The following CAMTA1 variants were observed in gnomAD, a reference collection of about 807,000 sequenced individuals.
The protein encoded by CAMTA1 is calmodulin binding transcription activator 1.
Under a neutral mutation model 170.9 loss-of-function variants are expected in CAMTA1, and 27 were observed. That is an observed-to-expected ratio of 0.16 (90% CI 0.12 to 0.22). The LOEUF (loss-of-function observed/expected upper bound fraction) is 0.22. Ranked by LOEUF, CAMTA1 falls within the 10% of genes least tolerant of loss-of-function variation. The pLI is 1.00. For synonymous variants in CAMTA1, 833 were observed against 891.5 expected, an observed-to-expected ratio of 0.93 and a Z score of 1.17; for missense variants, 1,619 against 2,217.2, an observed-to-expected ratio of 0.73 and a Z score of 5.42.
At chr1:7,150,626 T>G (rs1386895610) in intron 4 of CAMTA1, among the ~76,000 whole-genome samples, 1 of 151,860 alleles carries the variant, frequency 6.6e-6, no homozygotes, top group African/African-American at 2.4e-5. Flanking sequence ...CCCAGTTCCC[T>G]TGAAGGGCAG....
At chr1:7,622,792 G>A (rs1402924958) in intron 6 of CAMTA1, among the ~76,000 whole-genome samples, 1 of 152,276 alleles carries the variant, frequency 6.6e-6, no homozygotes, top group East Asian at 1.9e-4. Flanking sequence ...CCAGATGCCA[G>A]GCTCAAGGCT....
chr1:7,001,371 C>T (rs1698185832), intron 3 of CAMTA1, among the ~76,000 whole-genome samples: 1 of 152,224 alleles, frequency 6.6e-6, no homozygotes, highest in Non-Finnish European at 1.5e-5. Flanking sequence ...TAGCTCCACC[C>T]TGCACTTGAA....
chr1:7,594,051 G>C (rs2095374674), intron 6 of CAMTA1, among the ~76,000 whole-genome samples: 1 of 131,616 alleles, frequency 7.6e-6, no homozygotes, highest in Non-Finnish European at 1.6e-5. Context: ...AAACAAAAAA[G>C]AGAAAGAGAG....
intron 6 of CAMTA1, among the ~76,000 whole-genome samples, chr1:7,492,857 AC>A (rs1488813657): frequency 2.0e-5 from 3 of 150,684 alleles, no homozygotes; most frequent in African/African-American, 7.3e-5. Flanking sequence ...ACAAACACAA[AC>A]CTACAAACAC....
rs1460090706 is a variant in CAMTA1, at chr1:7,456,140, C to T, written c.439-11690C>T. Among the ~76,000 whole-genome samples the T allele has an allele frequency of 1.4e-5, 2 of 145,166 alleles. No individual in the cohort carries two copies. The highest frequency in any genetic ancestry group is 5.1e-5 in the African/African-American group (2 of 39,312). On this transcript the variant is annotated intron_variant, in intron 5 of 22. Transcript: ENST00000303635. The surrounding 1 kb of genome is among the most constrained non-coding windows in gnomAD (Gnocchi z 4.9). ...ACCTGGTGAAGGGTGAGGGGGTACCCATAACAGAGGGATGGAGGAAGGGAG... is the reference window on the plus strand; with the variant it reads ...ACCTGGTGAAGGGTGAGGGGGTACCTATAACAGAGGGATGGAGGAAGGGAG...
chr1:7,469,028 T>A (rs1488948215), intron 6 of CAMTA1, among the ~76,000 whole-genome samples: 2 of 152,194 alleles, frequency 1.3e-5, no homozygotes, highest in Non-Finnish European at 2.9e-5. Context: ...CCTCTATCCA[T>A]CGGCTCTGCC....
At chr1:7,137,701 C>T (rs2148586812) in intron 4 of CAMTA1, among the ~76,000 whole-genome samples, 1 of 152,264 alleles carries the variant, frequency 6.6e-6, no homozygotes, top group African/African-American at 2.4e-5. Context: ...CTTGGTATGC[C>T]CTTTCCCCTG....
chr1:6,836,224 A>G (rs777030495), intron 3 of CAMTA1, among the ~76,000 whole-genome samples: 9 of 152,252 alleles, frequency 5.9e-5, no homozygotes, highest in Admixed American at 1.3e-4. Flanking sequence ...GTTTTACAGT[A>G]TTAGTGCTTT....
intron 4 of CAMTA1, among the ~76,000 whole-genome samples, chr1:7,196,414 T>C (rs1339416079): frequency 6.6e-6 from 1 of 152,188 alleles, no homozygotes; most frequent in Non-Finnish European, 1.5e-5. Flanking sequence ...GAAGAAAACA[T>C]ACATTCTTAG....
At chr1:7,349,841 A>G (rs1214048036) in intron 5 of CAMTA1, among the ~76,000 whole-genome samples, 2 of 152,244 alleles carry the variant, frequency 1.3e-5, no homozygotes, top group Non-Finnish European at 2.9e-5. Context: ...ACAGTCCTGA[A>G]GCAAGATGAA....
intron 1 of CAMTA1, among the ~76,000 whole-genome samples, chr1:6,810,178 C>T (rs1220252584): frequency 6.6e-6 from 1 of 152,182 alleles, no homozygotes; most frequent in African/African-American, 2.4e-5. Context: ...ATTGGGACTG[C>T]TGAACTGTGG....
At chr1:7,420,593 C>T (rs1420429266) in intron 5 of CAMTA1, among the ~76,000 whole-genome samples, 1 of 152,104 alleles carries the variant, frequency 6.6e-6, no homozygotes, top group Non-Finnish European at 1.5e-5. Context: ...CCCCCACCAG[C>T]TTCTCCACAG....
intron 6 of CAMTA1, among the ~76,000 whole-genome samples, chr1:7,535,514 C>T (rs748831171): frequency 2.0e-5 from 3 of 152,200 alleles, no homozygotes; most frequent in African/African-American, 2.4e-5. Context: ...CCCAGTCACC[C>T]GCTAGAGATG....
At chr1:7,481,931 T>G (rs1051261304) in intron 6 of CAMTA1, among the ~76,000 whole-genome samples, 2 of 152,208 alleles carry the variant, frequency 1.3e-5, no homozygotes, top group Admixed American at 1.3e-4. Flanking sequence ...ACATCAAGAT[T>G]TGGAACATCG....
rs548806007 is a variant in CAMTA1, at chr1:7,660,253, A to G, written c.665-1473A>G. Among the ~76,000 whole-genome samples the G allele has an allele frequency of 6.1e-4, 93 of 152,352 alleles. 2 individuals carry two copies. In the South Asian group the frequency reaches 0.013, roughly 22 times the overall value. ...CCAGCTAATTTTGTATTTTTGGTAG[A>G]GACGGGTTTCACCATGTTGGTCAGG... On this transcript the variant is annotated intron_variant, in intron 7 of 22. Coordinates refer to ENST00000303635, the MANE Select transcript of CAMTA1 (RefSeq NM_015215.4).
intron 5 of CAMTA1, among the ~76,000 whole-genome samples, chr1:7,397,872 T>A (rs556877831): frequency 1.3e-5 from 2 of 152,088 alleles, no homozygotes; most frequent in South Asian, 4.1e-4. Context: ...TAAAAAAACT[T>A]TTTGAGACTT....
intron 5 of CAMTA1, among the ~76,000 whole-genome samples, chr1:7,406,278 G>A (rs1270906335): frequency 6.6e-6 from 1 of 152,172 alleles, no homozygotes. Context: ...CAGCACCAGG[G>A]GTGCCCCAAA....
At chr1:7,439,573 C>T (rs2092457578) in intron 5 of CAMTA1, among the ~76,000 whole-genome samples, 1 of 152,206 alleles carries the variant, frequency 6.6e-6, no homozygotes, top group African/African-American at 2.4e-5. Flanking sequence ...ACCCTCTGAG[C>T]TACTGGTTAA....
chr1:7,503,192 C>T (rs974585613), intron 6 of CAMTA1, among the ~76,000 whole-genome samples: 2 of 152,268 alleles, frequency 1.3e-5, no homozygotes, highest in South Asian at 2.1e-4. Context: ...CAGGGCCAGA[C>T]GATCAGAAAA....
Sources: allele counts gnomAD v4.1 joint callset (sites outside exome capture counted in the v4.1 genomes callset), GRCh38; gene constraint gnomAD v4.1.1; non-coding constraint Gnocchi (gnomAD v3.1); transcripts MANE v1.5; gene names NCBI Gene and HGNC (gene_info 2026-07-23, HGNC 2026-07-21).